ASH1L: variants seen among roughly 807,000 people sequenced by gnomAD.
ASH1L encodes histone-lysine N-methyltransferase ASH1L.
Under a neutral mutation model 269.0 loss-of-function variants are expected in ASH1L, and 23 were observed. The ratio of observed to expected loss-of-function variants is 0.09; its 90% CI spans 0.06 to 0.12. The LOEUF is 0.12. ASH1L is among the 10% of genes least tolerant of loss of function. ASH1L has a pLI of 1.00. For missense variants in ASH1L, 2,912 were observed against 3,567.8 expected, an observed-to-expected ratio of 0.82 and a Z score of 4.68; for synonymous variants, 1,187 against 1,253.5, an observed-to-expected ratio of 0.95 and a Z score of 1.12.
In ASH1L at chr1:155,357,876, T is replaced by G. The variant is rs1216886752; in HGVS notation, c.6796-127A>C. On this transcript the variant is annotated intron_variant, in intron 13 of 27. Transcript: ENST00000392403. ...GTCTCAACCTCCTGGGCTCAACTGA[T>G]CCTCCTATCTCAGCCTCCCCAGTAG... The G allele has an allele frequency of 8.3e-6, 7 of 844,850 alleles. No homozygotes were observed. The Admixed American group carries it at 2.1e-4, about 26-fold the overall frequency. 52.3% of individuals were successfully genotyped at this position (844,850 alleles called of 1,614,324 possible). A position where few individuals can be genotyped will look rare whatever the true frequency, so the allele number is the denominator to read the frequency against.
intron 13 of ASH1L, among the ~76,000 whole-genome samples, chr1:155,358,155 C>A (rs2148373493): frequency 6.6e-6 from 1 of 152,072 alleles, no homozygotes; most frequent in African/African-American, 2.4e-5. Context: ...AAGTATAAAT[C>A]AAGAAATTTG....
intron 15 of ASH1L, among the ~76,000 whole-genome samples, chr1:155,354,922 T>G (rs1246525160): frequency 6.6e-6 from 1 of 152,206 alleles, no homozygotes; most frequent in Non-Finnish European, 1.5e-5. Flanking sequence ...TAAATATAGT[T>G]GTCAAGATGA....
rs554889833 is a variant in ASH1L, at chr1:155,505,250, C to T, written c.420+15850G>A. Among the ~76,000 whole-genome samples, 4 of 152,292 alleles carry T rather than the reference C, an allele frequency of 2.6e-5. No individual in the cohort carries two copies. In the South Asian group the frequency reaches 6.2e-4, roughly 24 times the overall value. On this transcript the variant is annotated intron_variant, in intron 2 of 27. Transcript: ENST00000392403. ...TTTATTATTTACTTTGTCCCAAAAGCCTTTCTCTTTCCAGCAAATTCTGAC... is the reference window on the plus strand; with the variant it reads ...TTTATTATTTACTTTGTCCCAAAAGTCTTTCTCTTTCCAGCAAATTCTGAC...
At chr1:155,348,063 TTAAACTGAAC>T (rs1370130460) in intron 19 of ASH1L, among the ~76,000 whole-genome samples, 159 bp from the exon 20 acceptor site, 1 of 152,238 alleles carries the variant, frequency 6.6e-6, no homozygotes, top group Admixed American at 6.5e-5. Context: ...TGGTAACAAC[TTAAACTGAAC>T]TAAAATGAAT....
At chr1:155,370,749 A>G (rs977697805) in intron 11 of ASH1L, 28 bp downstream of exon 11, 2 of 1,613,802 alleles carry the variant, frequency 1.2e-6, no homozygotes, top group Non-Finnish European at 1.7e-6. Flanking sequence ...TTGGCATTTT[A>G]TTAGAGTATC....
At chr1:155,466,181 C>T (rs962257680) in intron 3 of ASH1L, among the ~76,000 whole-genome samples, 3 of 152,072 alleles carry the variant, frequency 2.0e-5, no homozygotes, top group East Asian at 1.9e-4. Context: ...GGTGAAACCC[C>T]GTCTCTACTA....
chr1:155,487,449 C>G (rs965471141), intron 2 of ASH1L, among the ~76,000 whole-genome samples: 1 of 152,072 alleles, frequency 6.6e-6, no homozygotes, highest in African/African-American at 2.4e-5. Context: ...CTGATTCTAA[C>G]TTTGAACTTC....
chr1:155,370,257 A>G (rs1558038645), intron 12 of ASH1L: 6 of 516,682 alleles, frequency 1.2e-5, no homozygotes, highest in Non-Finnish European at 3.5e-6. Context: ...AACTACTTGC[A>G]TGCCAAACAA....
chr1:155,524,355 T>TA (rs1018370420), intron 1 of ASH1L, among the ~76,000 whole-genome samples: 5 of 149,838 alleles, frequency 3.3e-5, no homozygotes, highest in South Asian at 2.1e-4. Context: ...CCCCATCTTT[T>TA]AAAAAAAAAT....
rs562302226 is a variant in ASH1L at position 155,362,672 on chromosome 1, TATC to T, written c.6687-2266_6687-2264del. On this transcript the variant is annotated intron_variant, in intron 12 of 27. Transcript: ENST00000392403. ...ACCATGCCATACTGATAACAAGTTA[TATC>T]ATCAATTCTCAAAACAATCCTATAG... Among the ~76,000 whole-genome samples the T allele has an allele frequency of 8.5e-4, 129 of 152,238 alleles. 1 individual carries two copies. Among genetic ancestry groups the T allele is most frequent in the Admixed American group, 7.3e-3 (112 of 15,266 alleles).
Position 155,343,090 on chromosome 1 carries a change from C to T in ASH1L, c.8293+224G>A. ...GCAGTGGTGCGATCTTGGCTCACTG[C>T]AACCTCTGCCTCCCAGGCTCAGCAA... On this transcript the variant is annotated intron_variant, in intron 24 of 27. Transcript: ENST00000392403. The surrounding 1 kb of genome is among the most constrained non-coding windows in gnomAD (Gnocchi z 6.1). 2.2e-6 allele frequency: 1 copy of T among 463,050 alleles called. No homozygotes were observed. Among genetic ancestry groups the T allele is most frequent in the Admixed American group, 3.9e-5 (1 of 25,828 alleles). The allele number at this position is 463,050 out of a possible 1,614,324, so 28.7% of individuals were successfully genotyped here. A position where few individuals can be genotyped will look rare whatever the true frequency, so the allele number is the denominator to read the frequency against.
At position 155,360,296 on chromosome 1, in the gene ASH1L, C is replaced by T. The variant is rs1240552699; in HGVS notation, c.6795+5G>A. ...CAATCTCCCTCTAGGATTTATTATT[C>T]TTACCTGTTTTTCCACATTGAAGGA... On this transcript the variant is annotated splice_donor_5th_base_variant and intron_variant, in intron 13 of 27. Coordinates refer to ENST00000392403, the MANE Select transcript of ASH1L (RefSeq NM_018489.3). 6.3e-7 allele frequency: 1 copy of T among 1,575,508 alleles called. No individual in the cohort carries two copies. Among genetic ancestry groups the T allele is most frequent in the Admixed American group, 1.7e-5 (1 of 59,904 alleles).
intron 7 of ASH1L, among the ~76,000 whole-genome samples, chr1:155,389,242 C>A (rs147981444): frequency 0.037 from 5,599 of 151,822 alleles, 164 homozygotes; most frequent in South Asian, 0.068. Flanking sequence ...AGGTGATCTG[C>A]CTGCCTCGGC....
chr1:155,342,882 A>C (rs1039610348), intron 24 of ASH1L, among the ~76,000 whole-genome samples: 32 of 152,216 alleles, frequency 2.1e-4, no homozygotes, highest in Admixed American at 2.1e-3. Flanking sequence ...AGGTAAAAGA[A>C]AGGAAAAAAT....
chr1:155,554,568 A>T (rs1354835774), intron 1 of ASH1L, among the ~76,000 whole-genome samples: 2 of 152,046 alleles, frequency 1.3e-5, no homozygotes, highest in African/African-American at 4.8e-5. Context: ...CACCATGCCC[A>T]GCCTGAATTT....
At chr1:155,416,407 C>A (rs770184338) in intron 5 of ASH1L, among the ~76,000 whole-genome samples, 1 of 151,902 alleles carries the variant, frequency 6.6e-6, no homozygotes, top group East Asian at 1.9e-4. Flanking sequence ...CATGAGCCAC[C>A]GTGCCCGGCA....
chr1:155,397,236 C>A (rs919738652), intron 6 of ASH1L, among the ~76,000 whole-genome samples: 5 of 151,620 alleles, frequency 3.3e-5, no homozygotes, highest in Admixed American at 2.6e-4. Context: ...GTGGCTCATG[C>A]CTGCAATCCT....
intron 6 of ASH1L, 62 bp from the exon 7 acceptor site, chr1:155,395,615 T>A: frequency 8.5e-7 from 1 of 1,179,632 alleles, no homozygotes; most frequent in East Asian, 2.4e-5. Context: ...TGTGGTCAAA[T>A]ACAGATAACA....
chr1:155,459,776 G>C, intron 4 of ASH1L, 21 bp downstream of exon 4: 1 of 1,578,740 alleles, frequency 6.3e-7, no homozygotes, highest in African/African-American at 1.3e-5. Flanking sequence ...TTGAAAATCT[G>C]GTAAAACAAA....
Sources: gnomAD v4.1 joint callset for allele counts (sites outside exome capture counted in the v4.1 genomes callset) on GRCh38, gnomAD v4.1.1 for gene constraint, Gnocchi (gnomAD v3.1) non-coding constraint, MANE v1.5 for transcripts, NCBI Gene and HGNC (gene_info 2026-07-23, HGNC 2026-07-21) for gene names.